Variants in TPRG1 observed in about 807,000 individuals in gnomAD.
TPRG1 encodes tumor protein p63 regulated 1, also known as tumor protein p63-regulated gene 1 protein.
Under a neutral mutation model 29.3 loss-of-function variants are expected in TPRG1, and 29 were observed. The observed-to-expected ratio is 0.99, with a 90% confidence interval of 0.74 to 1.35. The LOEUF (loss-of-function observed/expected upper bound fraction) is 1.35. Among genes scored for constraint, TPRG1 ranks in the 40% most tolerant of loss-of-function variants. The pLI is 0.00. For synonymous variants in TPRG1, 130 were observed against 116.8 expected, an observed-to-expected ratio of 1.11 and a Z score of -0.73; for missense variants, 327 against 335.0, an observed-to-expected ratio of 0.98 and a Z score of 0.19.
At chr3:189,113,816 C>G (rs1003264613) in intron 1 of TPRG1, among the ~76,000 whole-genome samples, 1 of 151,820 alleles carries the variant, frequency 6.6e-6, no homozygotes. Flanking sequence ...ATACCTAATG[C>G]TAAATGACGA....
At chr3:189,165,234 C>T (rs1231205020) in intron 5 of TPRG1, among the ~76,000 whole-genome samples, 1 of 151,862 alleles carries the variant, frequency 6.6e-6, no homozygotes, top group Non-Finnish European at 1.5e-5. Context: ...GATTACTTGC[C>T]TTCTAACCTT....
intron 3 of TPRG1, among the ~76,000 whole-genome samples, chr3:189,005,439 A>G (rs1185758847): frequency 6.6e-6 from 1 of 152,064 alleles, no homozygotes; most frequent in Non-Finnish European, 1.5e-5. Context: ...ACTCTCCAGG[A>G]GTATTTTGAG....
intron 4 of TPRG1, among the ~76,000 whole-genome samples, chr3:189,058,873 A>G (rs1274994824): frequency 6.6e-6 from 1 of 152,200 alleles, no homozygotes; most frequent in Non-Finnish European, 1.5e-5. Context: ...ACTATAAGGC[A>G]TACTTAGAAG....
chr3:189,307,017 C>T (rs1721733651), intron 4 of TPRG1, among the ~76,000 whole-genome samples: 1 of 151,990 alleles, frequency 6.6e-6, no homozygotes, highest in Non-Finnish European at 1.5e-5. Context: ...TGAGAAAGAC[C>T]CAGTCTTCTT....
intron 4 of TPRG1, among the ~76,000 whole-genome samples, chr3:189,248,630 G>A (rs1402913828): frequency 6.6e-6 from 1 of 150,872 alleles, no homozygotes; most frequent in Non-Finnish European, 1.5e-5. Flanking sequence ...ATACATAATA[G>A]ATTTTATTAT....
At chr3:189,142,837 C>A (rs1202036179) in intron 3 of TPRG1, among the ~76,000 whole-genome samples, 1 of 152,194 alleles carries the variant, frequency 6.6e-6, no homozygotes, top group Admixed American at 6.5e-5. Context: ...CTCATTAGCT[C>A]TATTTAATTA....
chr3:189,282,934 C>T (rs1448794188), intron 4 of TPRG1, among the ~76,000 whole-genome samples: 1 of 152,200 alleles, frequency 6.6e-6, no homozygotes, highest in African/African-American at 2.4e-5. Flanking sequence ...AAGTTAAACT[C>T]TTAGTGTGTG....
chr3:189,012,496 T>C (rs1712654858), intron 3 of TPRG1, among the ~76,000 whole-genome samples: 1 of 152,162 alleles, frequency 6.6e-6, no homozygotes, highest in Non-Finnish European at 1.5e-5. Context: ...GTGGATAAGC[T>C]TTTTGATGTG....
At chr3:189,195,621 G>A (rs1355063712) in intron 1 of TPRG1, among the ~76,000 whole-genome samples, 1 of 152,210 alleles carries the variant, frequency 6.6e-6, no homozygotes, top group African/African-American at 2.4e-5. Flanking sequence ...CATCTCCTCT[G>A]GAGGGAGCAC....
chr3:189,196,855 G>A (rs919707801), intron 1 of TPRG1, among the ~76,000 whole-genome samples: 2 of 152,094 alleles, frequency 1.3e-5, no homozygotes, highest in African/African-American at 4.8e-5. Flanking sequence ...TTTTTATTTT[G>A]AGGGGAAAAT....
chr3:189,189,010 G>A (rs1731325035), intron 1 of TPRG1, among the ~76,000 whole-genome samples: 1 of 152,132 alleles, frequency 6.6e-6, no homozygotes, highest in Admixed American at 6.5e-5. Context: ...TTCCTTGATG[G>A]TGAAAGAGAA....
intron 5 of TPRG1, among the ~76,000 whole-genome samples, chr3:189,154,884 G>C (rs1726456795): frequency 6.6e-6 from 1 of 152,196 alleles, no homozygotes; most frequent in South Asian, 2.1e-4. Context: ...GTGGGTTGGG[G>C]TGTGGTGGCT....
chr3:189,255,559 C>T (rs1711699553), intron 4 of TPRG1, among the ~76,000 whole-genome samples: 2 of 152,036 alleles, frequency 1.3e-5, no homozygotes, highest in South Asian at 2.1e-4. Flanking sequence ...GGGAGAAGTC[C>T]GTATTTTTCT....
At chr3:189,312,173 CTTTCTTTCTTTTT>C (rs1722740236) in intron 5 of TPRG1, among the ~76,000 whole-genome samples, 1 of 63,456 alleles carries the variant, frequency 1.6e-5, no homozygotes, top group African/African-American at 6.4e-5. Context: ...TTCTTTCTTT[CTTTCTTTCTTTTT>C]TTCTTTCTTT....
At chr3:189,148,847 G>T (rs1725580918) in intron 4 of TPRG1, among the ~76,000 whole-genome samples, 2 of 152,210 alleles carry the variant, frequency 1.3e-5, no homozygotes, top group South Asian at 4.1e-4. Context: ...AGTTCTTCTG[G>T]TCAAAGCAGA....
At chr3:189,085,351 A>G (rs1262826509) in intron 4 of TPRG1, among the ~76,000 whole-genome samples, 5 of 152,206 alleles carry the variant, frequency 3.3e-5, no homozygotes, top group African/African-American at 4.8e-5. Context: ...CATGCAATTC[A>G]TATCTCATAG....
intron 4 of TPRG1, among the ~76,000 whole-genome samples, chr3:189,281,108 T>C (rs536626650): frequency 8.5e-5 from 13 of 152,222 alleles, no homozygotes; most frequent in Non-Finnish European, 1.8e-4. Flanking sequence ...TTTACATACA[T>C]TAACTCATTT....
At chr3:189,317,325 A>C (rs1021028962) in intron 5 of TPRG1, among the ~76,000 whole-genome samples, 1 of 152,178 alleles carries the variant, frequency 6.6e-6, no homozygotes, top group African/African-American at 2.4e-5. Flanking sequence ...ATGATTAAGC[A>C]GTTATTATTT....
At chr3:189,207,216 G>A (rs758571999) in intron 1 of TPRG1, 160 bp from the exon 2 acceptor site, 2 of 977,244 alleles carry the variant, frequency 2.0e-6, no homozygotes, top group South Asian at 9.5e-5. Context: ...AGAAGTCTGT[G>A]TTATGAAGCT....
Sources: gnomAD v4.1 joint callset for allele counts (sites outside exome capture counted in the v4.1 genomes callset) on GRCh38, gnomAD v4.1.1 for gene constraint, MANE v1.5 for transcripts, NCBI Gene and HGNC (gene_info 2026-07-23, HGNC 2026-07-21) for gene names.